The following DSTYK variants were observed in gnomAD, a reference collection of about 807,000 sequenced individuals.
The protein encoded by DSTYK is dual serine/threonine and tyrosine protein kinase.
A neutral mutation model predicts 98.7 loss-of-function variants in DSTYK; 34 were observed. The observed-to-expected ratio is 0.34, with a 90% CI of 0.26 to 0.46. The LOEUF is 0.46. Ranked by LOEUF, DSTYK falls within the 20% of genes least tolerant of loss-of-function variation. The pLI is 1.00. For missense variants in DSTYK, 962 were observed against 1,181.7 expected (o/e 0.81, Z 2.73); for synonymous variants, 462 against 457.3 (o/e 1.01, Z -0.13).
chr1:205,211,571 C>A lies in DSTYK; in HGVS notation c.-36G>T, dbSNP rs535352986. ...CGCTCTGTCTTTGCGGCTCGGTCCC[C>A]GGCCGCAGGCCCGGCCTCCCTCCTC... On this transcript the variant is annotated 5_prime_UTR_variant, in exon 1 of 13. Coordinates refer to ENST00000367162, the MANE Select transcript of DSTYK (RefSeq NM_015375.3). The A allele has an allele frequency of 6.3e-6, 9 of 1,420,846 alleles. No individual in the cohort carries two copies. The highest frequency in any genetic ancestry group is 8.2e-6 in the Non-Finnish European group (9 of 1,095,686). 88.0% of individuals were successfully genotyped at this position (1,420,846 alleles called of 1,614,324 possible). A position where few individuals can be genotyped will look rare whatever the true frequency, so the allele number is the denominator to read the frequency against.
Position 205,161,268 on chromosome 1 carries a change from G to C in DSTYK, c.1938C>G (p.Val646=), listed in dbSNP as rs745416684. The C allele has an allele frequency of 6.2e-7, 1 of 1,614,074 alleles. No homozygotes were observed. The highest frequency in any genetic ancestry group is 1.7e-5 in the Admixed American group (1 of 60,008). Reference sequence around the variant, plus strand: ...GAAAACCAGACTCACGATGAAGCAAGACATCCTGTAAAGAACAGCTTTCCA... The same window carrying C: ...GAAAACCAGACTCACGATGAAGCAACACATCCTGTAAAGAACAGCTTTCCA... ...LSLESCSLQD[V]LLHRKPKLGQ... Residue 646 remains valine, a synonymous_variant, in exon 7 of 13, where the codon GTC becomes GTG. Coordinates refer to ENST00000367162, the MANE Select transcript of DSTYK (RefSeq NM_015375.3).
chr1:205,197,000 G>C (rs959017249), intron 1 of DSTYK, among the ~76,000 whole-genome samples: 4 of 151,762 alleles, frequency 2.6e-5, no homozygotes, highest in African/African-American at 7.3e-5. Context: ...CCTGATTTCA[G>C]GTGATCCACC....
intron 10 of DSTYK, among the ~76,000 whole-genome samples, chr1:205,156,656 C>G (rs1176619372): frequency 6.6e-6 from 1 of 152,146 alleles, no homozygotes; most frequent in Non-Finnish European, 1.5e-5. Flanking sequence ...AAGGGACTTG[C>G]GTTGTCTCAG....
At chr1:205,155,879 C>T (rs1056788182) in intron 10 of DSTYK, among the ~76,000 whole-genome samples, 2 of 152,160 alleles carry the variant, frequency 1.3e-5, no homozygotes, top group South Asian at 4.1e-4. Flanking sequence ...GTGGGCTGGG[C>T]CCAGGGCCCC....
intron 1 of DSTYK, among the ~76,000 whole-genome samples, chr1:205,203,859 G>A (rs1659122560): frequency 6.6e-6 from 1 of 152,130 alleles, no homozygotes; most frequent in Non-Finnish European, 1.5e-5. Context: ...AGGTTGCAGT[G>A]AGCTAAGATC....
intron 2 of DSTYK, among the ~76,000 whole-genome samples, chr1:205,176,091 TAA>T (rs1281531016): frequency 6.6e-6 from 1 of 152,220 alleles, no homozygotes; most frequent in Admixed American, 6.5e-5. Context: ...AGTGAATTCC[TAA>T]AGAGATTTCT....
Position 205,169,905 on chromosome 1 carries a change from C to A in DSTYK, c.655-73G>T, listed in dbSNP as rs1007174116. Reference sequence around the variant, plus strand: ...ATCCCTGTCTCCCCAAAGTCCCACACTGAGACCAAAATCCTGATCTACAAT... The same window carrying A: ...ATCCCTGTCTCCCCAAAGTCCCACAATGAGACCAAAATCCTGATCTACAAT... On this transcript the variant is annotated intron_variant, in intron 2 of 12. Transcript: ENST00000367162. The surrounding 1 kb of genome is among the most constrained non-coding windows in gnomAD (Gnocchi z 4.0). 1 of 1,410,658 alleles carries A rather than the reference C, an allele frequency of 7.1e-7. No individual in the cohort carries two copies. Among genetic ancestry groups the A allele is most frequent in the Non-Finnish European group, 9.5e-7 (1 of 1,049,840 alleles). 87.4% of individuals were successfully genotyped at this position (1,410,658 alleles called of 1,614,324 possible). A position where few individuals can be genotyped will look rare whatever the true frequency, so the allele number is the denominator to read the frequency against.
chr1:205,177,879 A>T (rs75107802), intron 2 of DSTYK, among the ~76,000 whole-genome samples: 1 of 151,994 alleles, frequency 6.6e-6, no homozygotes, highest in Non-Finnish European at 1.5e-5. Context: ...AAAAAAAAAA[A>T]GAAAAAGAAA....
In DSTYK at chr1:205,162,195, T is replaced by C. The variant is rs1486075654; in HGVS notation, c.1659A>G (p.Thr553=). 5 of 1,614,040 alleles carry C rather than the reference T, an allele frequency of 3.1e-6. No homozygotes were observed. Among genetic ancestry groups the C allele is most frequent in the Admixed American group, 1.7e-5 (1 of 59,992 alleles). ...GAGTGATGGCAGGTGGGCTCACCCA[T>C]GTGATGCGCTGGATGATCTACCAGG... The part of the protein sequence containing the change: ...EQIKQIIQRI[T]WVSPPAITLE... The change falls in exon 6 of 13, where the codon ACA becomes ACG. Residue 553 remains threonine (T), a synonymous_variant. Transcript: ENST00000367162.
In DSTYK at chr1:205,169,094, A is replaced by T. The variant is rs1657972778; in HGVS notation, c.1324+69T>A. On this transcript the variant is annotated intron_variant, in intron 3 of 12. Coordinates refer to ENST00000367162, the MANE Select transcript of DSTYK (RefSeq NM_015375.3). This position sits in a 1 kb window ranked among gnomAD's most constrained non-coding sequence, Gnocchi z 4.0. ...TTTAACCTTAGGAATTAACGTTCTT[A>T]ATTTCCGGCTAGAAAATGGTTAGAG... 1.5e-6 allele frequency: 2 copies of T among 1,335,256 alleles called. No individual in the cohort carries two copies. The highest frequency in any genetic ancestry group is 2.2e-5 in the Admixed American group (1 of 44,668). 82.7% of individuals were successfully genotyped at this position (1,335,256 alleles called of 1,614,324 possible).
rs1413839970 is a variant in DSTYK at position 205,169,349 on chromosome 1, T to C, written c.1138A>G (p.Met380Val). The C allele has an allele frequency of 1.2e-6, 2 of 1,614,196 alleles. No homozygotes were observed. The highest frequency in any genetic ancestry group is 1.7e-6 in the Non-Finnish European group (2 of 1,180,038). The change falls in exon 3 of 13, where the codon ATG (methionine) becomes GTG (valine). Residue 380 changes from methionine (M) to valine (V), a missense_variant. Physicochemically the swap from Met to Val is conservative, Grantham distance 21. Around this residue, in one of 4 missense-constraint regions of DSTYK, gnomAD observed 660 missense variants for 855.0 expected, o/e 0.77. Transcript: ENST00000367162. The surrounding 1 kb of genome is among the most constrained non-coding windows in gnomAD (Gnocchi z 4.0). Reference protein sequence around the residue: ...LDIFINQAFDMQRDLQITPKR... With the variant: ...LDIFINQAFDVQRDLQITPKR... ...GGAGTGATCTGCAGGTCCCGCTGCA[T>C]GTCAAATGCCTGGTTAATAAAGATG...
chr1:205,193,889 G>T (rs1004978132), intron 1 of DSTYK, among the ~76,000 whole-genome samples: 3 of 146,732 alleles, frequency 2.0e-5, no homozygotes, highest in Middle Eastern at 3.6e-3. Context: ...AAAAAAAAAG[G>T]AACTAACTAG....
chr1:205,169,396 A>G lies in DSTYK; in HGVS notation c.1091T>C (p.Leu364Pro), dbSNP rs1657984418. ...RLVDAAKALN[L>P]VHCHCLDIFI... is the part of the protein sequence containing the mutation. The stretch of plus-strand genomic sequence containing the variant: ...GATGTCAAGGCAGTGGCAGTGCACC[A>G]GGTTCAGGGCCTTGGCTGCATCCAC... Residue 364 changes from leucine to proline, a missense_variant, in exon 3 of 13, where the codon CTG becomes CCG. Leu to Pro is a moderately conservative substitution (Grantham distance 98). Around this residue, in one of 4 missense-constraint regions of DSTYK, gnomAD observed 660 missense variants for 855.0 expected, o/e 0.77. Coordinates refer to ENST00000367162, the MANE Select transcript of DSTYK (RefSeq NM_015375.3). This position sits in a 1 kb window ranked among gnomAD's most constrained non-coding sequence, Gnocchi z 4.0. 6.2e-7 allele frequency: 1 copy of G among 1,614,180 alleles called. No homozygotes were observed.
chr1:205,148,428 T>C (rs1657308778), intron 11 of DSTYK, 89 bp from the exon 12 acceptor site: 1 of 1,519,208 alleles, frequency 6.6e-7, no homozygotes, highest in African/African-American at 1.4e-5. Context: ...GGGTTGGCTT[T>C]TTCCAAAGCT....
At chr1:205,203,645 G>A (rs1659115715) in intron 1 of DSTYK, among the ~76,000 whole-genome samples, 1 of 151,362 alleles carries the variant, frequency 6.6e-6, no homozygotes, top group Non-Finnish European at 1.5e-5. Flanking sequence ...GCTGGGCAAG[G>A]TGGCTCATGC....
chr1:205,190,734 C>T (rs982943326), intron 1 of DSTYK, among the ~76,000 whole-genome samples: 4 of 152,104 alleles, frequency 2.6e-5, no homozygotes, highest in African/African-American at 9.7e-5. Context: ...TTCACCTCAC[C>T]TACACTTCCT....
chr1:205,203,539 G>C (rs1162025516), intron 1 of DSTYK, among the ~76,000 whole-genome samples: 1 of 30,592 alleles, frequency 3.3e-5, no homozygotes, highest in Non-Finnish European at 7.2e-5. Flanking sequence ...GGAGGGGTAC[G>C]GTAGGGAAGG....
intron 2 of DSTYK, among the ~76,000 whole-genome samples, chr1:205,175,474 CA>C (rs1658202316): frequency 6.6e-6 from 1 of 152,166 alleles, no homozygotes; most frequent in African/African-American, 2.4e-5. Flanking sequence ...CTCCCTTCCC[CA>C]GTTGACCAAC....
chr1:205,180,072 G>GA (rs1436391257), intron 2 of DSTYK, among the ~76,000 whole-genome samples: 1 of 152,204 alleles, frequency 6.6e-6, no homozygotes, highest in African/African-American at 2.4e-5. Context: ...CACTGACAGT[G>GA]AATTGAGAAA....
Sources: gnomAD v4.1 joint callset for allele counts (sites outside exome capture counted in the v4.1 genomes callset) on GRCh38, gnomAD v4.1.1 for gene constraint, gnomAD v4.1.1 regional missense constraint, Gnocchi (gnomAD v3.1) non-coding constraint, MANE v1.5 for transcripts, NCBI Gene and HGNC (gene_info 2026-07-23, HGNC 2026-07-21) for gene names.